The following DIABLO variants were observed in gnomAD, a reference collection of about 807,000 sequenced individuals.
DIABLO encodes the protein diablo IAP-binding mitochondrial protein.
DIABLO carries 32 observed loss-of-function variants against 31.7 expected under a neutral mutation model. The observed-to-expected ratio is 1.01, with a 90% confidence interval of 0.76 to 1.35. DIABLO has a LOEUF of 1.35. Among genes scored for constraint, DIABLO ranks in the 40% most tolerant of loss-of-function variants. The pLI, the probability that DIABLO is intolerant of heterozygous loss-of-function variation, is 0.00. For missense variants in DIABLO, 316 were observed against 286.4 expected (o/e 1.10, Z -0.75); for synonymous variants, 132 against 103.2 (o/e 1.28, Z -1.69).
At chr12:122,223,410 G>C (rs1954376396) in intron 2 of DIABLO, among the ~76,000 whole-genome samples, 1 of 150,292 alleles carries the variant, frequency 6.7e-6, no homozygotes, top group Admixed American at 6.6e-5. Flanking sequence ...CTGCAGCCTG[G>C]CAACAGAGTG....
At chr12:122,227,433 G>A (rs1256836507), upstream of DIABLO, 5 of 454,034 alleles carry the variant, frequency 1.1e-5, no homozygotes, top group Non-Finnish European at 2.2e-5. Context: ...TAGCTTGTGT[G>A]TATTCTGCGA....
chr12:122,216,645 T>G (rs1660998369), intron 4 of DIABLO, 61 bp from the exon 5 acceptor site: 1 of 1,570,576 alleles, frequency 6.4e-7, no homozygotes, highest in African/African-American at 1.4e-5. Flanking sequence ...TTAAATGGAC[T>G]TAAAGTAGTA....
chr12:122,222,288 A>G (rs1954349444), intron 2 of DIABLO: 2 of 152,162 alleles, frequency 1.3e-5, no homozygotes, highest in Admixed American at 1.3e-4. Context: ...CCATTCATTC[A>G]GTTGCTAAGG....
At chr12:122,220,843 T>C (rs1362205215) in intron 2 of DIABLO, 3 of 152,232 alleles carry the variant, frequency 2.0e-5, no homozygotes, top group Non-Finnish European at 4.4e-5. Flanking sequence ...AGGCATCTTA[T>C]ACAGGACTAC....
Position 122,224,503 on chromosome 12 carries a change from C to T in DIABLO, c.183+9G>A, listed in dbSNP as rs1363577780. On this transcript the variant is annotated intron_variant, in intron 2 of 5. Transcript: ENST00000464942. ...TACACTAGATAAGAATCACTGCACA[C>T]GACAGTACCTGTGCAATAGGAACCG... 5.0e-6 allele frequency: 8 copies of T among 1,613,798 alleles called. No individual in the cohort carries two copies. The highest frequency in any genetic ancestry group is 2.7e-5 in the African/African-American group (2 of 74,924).
chr12:122,218,275 T>C lies in DIABLO; in HGVS notation c.306A>G (p.Glu102=), dbSNP rs777484362. The change falls in exon 3 of 6, where the codon GAA becomes GAG. Residue 102 remains glutamate (E), a synonymous_variant. Coordinates refer to ENST00000464942, the MANE Select transcript of DIABLO (RefSeq NM_001371333.1). ...TTAAGAGGAGACATACCTTAGTATA[T>C]TCAGTAATAGCTTCAATCAACGCAT... The part of the protein sequence containing the change: ...TTYALIEAIT[E]YTKAVYTLTS... 1.1e-5 allele frequency: 18 copies of C among 1,614,022 alleles called. No homozygotes were observed. The African/African-American group carries it at 1.9e-4, about 17-fold the overall frequency.
At chr12:122,215,159 G>C (rs1471703850) in intron 5 of DIABLO, among the ~76,000 whole-genome samples, 1 of 152,306 alleles carries the variant, frequency 6.6e-6, no homozygotes, top group East Asian at 1.9e-4. Context: ...AGGCGTGGTG[G>C]TGCATGCTTG....
rs930089294 is a variant in DIABLO at position 122,216,885 on chromosome 12, G to A, written c.316-16C>T. Reference sequence around the variant, plus strand: ...TATAAACAGCCTACAAATAGAGAATGAACAAGTCTGAGTAAAGTAAGTGAG... The same window carrying A: ...TATAAACAGCCTACAAATAGAGAATAAACAAGTCTGAGTAAAGTAAGTGAG... On this transcript the variant is annotated splice_polypyrimidine_tract_variant and intron_variant, in intron 3 of 5. Transcript: ENST00000464942. 15 of 1,593,662 alleles carry A rather than the reference G, an allele frequency of 9.4e-6. No homozygotes were observed. Among genetic ancestry groups the A allele is most frequent in the Non-Finnish European group, 1.3e-5 (15 of 1,162,236 alleles).
In DIABLO at chr12:122,207,707, A is replaced by ATCTT; in HGVS notation, c.*670_*673dup. On this transcript the variant is annotated 3_prime_UTR_variant, in exon 6 of 6. Transcript: ENST00000464942. ...ATTTTCTCTTTCAGATGCAAACAAA[A>ATCTT]TCTTACACTCTTCTCCTTTGGATAC... is the stretch of plus-strand genomic sequence containing the variant. 1 of 554,602 alleles carries ATCTT rather than the reference A, an allele frequency of 1.8e-6. No individual in the cohort carries two copies. Among genetic ancestry groups the ATCTT allele is most frequent in the Non-Finnish European group, 3.4e-6 (1 of 292,420 alleles). The allele number at this position is 554,602 out of a possible 1,614,324, so 34.4% of individuals were successfully genotyped here. A position where few individuals can be genotyped will look rare whatever the true frequency, so the allele number is the denominator to read the frequency against.
At chr12:122,220,192 T>C (rs1043036875) in intron 2 of DIABLO, among the ~76,000 whole-genome samples, 10 of 151,868 alleles carry the variant, frequency 6.6e-5, no homozygotes, top group Admixed American at 2.6e-4. Flanking sequence ...GTGATACACA[T>C]GCTTTGGCCT....
In DIABLO at chr12:122,208,065, CAAA is replaced by C; in HGVS notation, c.*313_*315del. The C allele has an allele frequency of 1.7e-6, 1 of 582,882 alleles. No homozygotes were observed. Among genetic ancestry groups the C allele is most frequent in the Non-Finnish European group, 3.2e-6 (1 of 310,668 alleles). The allele number at this position is 582,882 out of a possible 1,614,324, so 36.1% of individuals were successfully genotyped here. On this transcript the variant is annotated 3_prime_UTR_variant, in exon 6 of 6. Transcript: ENST00000464942. Reference sequence around the variant, plus strand: ...ACAGTTGCTGAACTTAAGGGCATGACAAAAAGGACTCCTCTCTCTGACCCAGGT... The same window carrying C: ...ACAGTTGCTGAACTTAAGGGCATGACAAGGACTCCTCTCTCTGACCCAGGT...
chr12:122,226,155 A>T, upstream of DIABLO: 2 of 1,249,738 alleles, frequency 1.6e-6, no homozygotes, highest in Non-Finnish European at 2.3e-6. Context: ...TTGGGCAGGC[A>T]GGGGGAAAGG....
intron 5 of DIABLO, among the ~76,000 whole-genome samples, chr12:122,212,400 T>C (rs1954107289): frequency 1.3e-5 from 2 of 152,218 alleles, no homozygotes; most frequent in Admixed American, 6.5e-5. Flanking sequence ...AGGTGGTACT[T>C]TGAGTCTATG....
chr12:122,218,029 G>T (rs1005824762), intron 3 of DIABLO, among the ~76,000 whole-genome samples: 27 of 151,016 alleles, frequency 1.8e-4, no homozygotes, highest in Admixed American at 6.6e-5. Context: ...GAGTGATTTA[G>T]ATCAGGGCTC....
intron 2 of DIABLO, among the ~76,000 whole-genome samples, chr12:122,222,977 C>T (rs1294562792): frequency 6.6e-6 from 1 of 151,974 alleles, no homozygotes; most frequent in African/African-American, 2.4e-5. Context: ...CCATCAGCAA[C>T]TCCTGCTAAC....
Position 122,210,060 on chromosome 12 carries a change from ACT to A in DIABLO, c.524-1485_524-1484del, listed in dbSNP as rs1454262080. Among the ~76,000 whole-genome samples, 8 of 152,142 alleles carry A rather than the reference ACT, an allele frequency of 5.3e-5. No homozygotes were observed. The East Asian group carries it at 1.5e-3, about 29-fold the overall frequency. On this transcript the variant is annotated intron_variant, in intron 5 of 5. Coordinates refer to ENST00000464942, the MANE Select transcript of DIABLO (RefSeq NM_001371333.1). ...TTATATTTGTTTGAGAAGGAGTCTC[ACT>A]CTATAGTTTTTTACAGTGTTGAACT...
chr12:122,208,216 A>AC lies in DIABLO; in HGVS notation c.*164dup, dbSNP rs2136078566. The stretch of plus-strand genomic sequence containing the variant: ...GAACCAGGTCCAGCGCAAGCCTGAG[A>AC]CCACAGGAGGCACTCACAGCTCACA... On this transcript the variant is annotated 3_prime_UTR_variant, in exon 6 of 6. Transcript: ENST00000464942. The AC allele has an allele frequency of 1.2e-6, 1 of 801,572 alleles. No individual in the cohort carries two copies. Among genetic ancestry groups the AC allele is most frequent in the East Asian group, 2.7e-5 (1 of 37,660 alleles). 49.7% of individuals were successfully genotyped at this position (801,572 alleles called of 1,614,324 possible).
At position 122,218,586 on chromosome 12, in the gene DIABLO, G is replaced by A. The variant is rs193135230; in HGVS notation, c.184-189C>T. 2.6e-4 allele frequency: 170 copies of A among 652,546 alleles called. 1 individual carries two copies. Among genetic ancestry groups the A allele is most frequent in the South Asian group, 6.7e-4 (35 of 52,476 alleles). 40.4% of individuals were successfully genotyped at this position (652,546 alleles called of 1,614,324 possible). ...TAAGACAATATAGAGAAATAATTCCGGAGTATGCTTTCTACCAACTTTCAT... is the reference window on the plus strand; with the variant it reads ...TAAGACAATATAGAGAAATAATTCCAGAGTATGCTTTCTACCAACTTTCAT... On this transcript the variant is annotated intron_variant, in intron 2 of 5. Transcript: ENST00000464942.
At chr12:122,227,130 G>A (rs2136113683), upstream of DIABLO, among the ~76,000 whole-genome samples, 1 of 152,314 alleles carries the variant, frequency 6.6e-6, no homozygotes. Context: ...ACTGCAGGGT[G>A]CCAGGTGGTG....
Sources: gnomAD v4.1 joint callset for allele counts (sites outside exome capture counted in the v4.1 genomes callset) on GRCh38, gnomAD v4.1.1 for gene constraint, MANE v1.5 for transcripts, NCBI Gene and HGNC (gene_info 2026-07-23, HGNC 2026-07-21) for gene names.